The following RAPGEF5 variants were observed in gnomAD, a reference collection of about 807,000 sequenced individuals.
RAPGEF5 encodes Rap guanine nucleotide exchange factor 5.
A neutral mutation model predicts 125.2 loss-of-function variants in RAPGEF5; 65 were observed. The observed-to-expected ratio is 0.52, with a 90% CI of 0.43 to 0.64. The LOEUF (loss-of-function observed/expected upper bound fraction) is 0.64. Ranked by LOEUF, RAPGEF5 falls within the 30% of genes least tolerant of loss-of-function variation. RAPGEF5 has a pLI of 0.00. For missense variants in RAPGEF5, 958 were observed against 1,048.1 expected (o/e 0.91, Z 1.19); for synonymous variants, 391 against 385.9 (o/e 1.01, Z -0.16).
intron 11 of RAPGEF5, among the ~76,000 whole-genome samples, chr7:22,171,669 T>C (rs1234149619): frequency 6.6e-6 from 1 of 152,202 alleles, no homozygotes; most frequent in East Asian, 1.9e-4. Context: ...CGGCTAATTT[T>C]TGTATTTTTA....
chr7:22,118,954 A>G lies in RAPGEF5; in HGVS notation c.*3452T>C, dbSNP rs1318714201. ...CCCACTCGCTAAGAAGCAGGCTGAAATTTTAAGGACATGTTTTTGAAACAT... is the reference window on the plus strand; with the variant it reads ...CCCACTCGCTAAGAAGCAGGCTGAAGTTTTAAGGACATGTTTTTGAAACAT... On this transcript the variant is annotated 3_prime_UTR_variant, in exon 26 of 26. Transcript: ENST00000665637. 3 of 146,356 alleles carry G rather than the reference A, an allele frequency of 2.0e-5. No individual in the cohort carries two copies. The highest frequency in any genetic ancestry group is 4.5e-5 in the Non-Finnish European group (3 of 66,836). 9.1% of individuals were successfully genotyped at this position (146,356 alleles called of 1,614,324 possible).
Position 22,199,530 on chromosome 7 carries a change from TGA to T in RAPGEF5, c.997-5499_997-5498del, listed in dbSNP as rs1491471978. On this transcript the variant is annotated intron_variant, in intron 9 of 25. Coordinates refer to ENST00000665637, the MANE Select transcript of RAPGEF5 (RefSeq NM_012294.5). The stretch of plus-strand genomic sequence containing the variant: ...TGTTATGTAAGTTTTACCTTAAAAT[TGA>T]AAAAAAAAAAAAAAAAAAAAAAAAA... 7.9e-4 allele frequency among the ~76,000 whole-genome samples: 17 copies of T among 21,580 alleles called. No homozygotes were observed. The South Asian group carries it at 0.018, about 23-fold the overall frequency. The allele number at this position is 21,580 out of a possible 152,430, so 14.2% of individuals were successfully genotyped here.
At chr7:22,327,556 C>T (rs1231005196) in intron 1 of RAPGEF5, among the ~76,000 whole-genome samples, 1 of 152,222 alleles carries the variant, frequency 6.6e-6, no homozygotes, top group Non-Finnish European at 1.5e-5. Flanking sequence ...ACTGCATCCT[C>T]TCCTCCCGGG....
intron 1 of RAPGEF5, chr7:22,356,346 C>T: frequency 1.2e-6 from 1 of 801,330 alleles, no homozygotes. Flanking sequence ...CTGGGTCTGC[C>T]CCTCGGCGGT....
At chr7:22,259,714 T>A (rs572686499) in intron 7 of RAPGEF5, among the ~76,000 whole-genome samples, 1 of 152,316 alleles carries the variant, frequency 6.6e-6, no homozygotes, top group South Asian at 2.1e-4. Flanking sequence ...TATTACTAAG[T>A]GAAAGAAGCC....
chr7:22,288,489 T>G (rs1782849838), intron 6 of RAPGEF5, among the ~76,000 whole-genome samples: 1 of 151,122 alleles, frequency 6.6e-6, no homozygotes, highest in East Asian at 1.9e-4. Context: ...CTTTACCCAC[T>G]CATACTGATT....
At chr7:22,248,090 A>G (rs548366097) in intron 7 of RAPGEF5, among the ~76,000 whole-genome samples, 1 of 152,174 alleles carries the variant, frequency 6.6e-6, no homozygotes, top group African/African-American at 2.4e-5. Context: ...CTAGGTAAAA[A>G]ACCTGCACGT....
rs375545015 is a variant in RAPGEF5 at position 22,295,987 on chromosome 7, T to C, written c.681-4746A>G. Among the ~76,000 whole-genome samples, 8 of 151,906 alleles carry C rather than the reference T, an allele frequency of 5.3e-5. No homozygotes were observed. In the East Asian group the frequency reaches 1.6e-3, roughly 29 times the overall value. ...CATGTTGCTAATAAACATCAGGTAG[T>C]AAGAAAAAACCAGGCAGGGTAAGGA... On this transcript the variant is annotated intron_variant, in intron 5 of 25. Coordinates refer to ENST00000665637, the MANE Select transcript of RAPGEF5 (RefSeq NM_012294.5).
At chr7:22,226,015 C>T (rs753453573) in intron 8 of RAPGEF5, among the ~76,000 whole-genome samples, 13 of 152,144 alleles carry the variant, frequency 8.5e-5, no homozygotes, top group Non-Finnish European at 1.5e-4. Flanking sequence ...GTGGGAAAGG[C>T]CACATGGATG....
At chr7:22,194,875 C>T (rs534141331) in intron 9 of RAPGEF5, 23 of 516,944 alleles carry the variant, frequency 4.4e-5, no homozygotes, top group Non-Finnish European at 5.5e-5. Context: ...TGGCCTCCAA[C>T]TCGGAGCCAT....
At chr7:22,141,808 G>T (rs771079840) in intron 20 of RAPGEF5, among the ~76,000 whole-genome samples, 1 of 152,146 alleles carries the variant, frequency 6.6e-6, no homozygotes, top group Non-Finnish European at 1.5e-5. Flanking sequence ...TCATCCAAGT[G>T]ACCCCTTACG....
At position 22,127,943 on chromosome 7, in the gene RAPGEF5, C is replaced by T. The variant is rs1378945181; in HGVS notation, c.2482-2285G>A. Among the ~76,000 whole-genome samples, 7 of 152,196 alleles carry T rather than the reference C, an allele frequency of 4.6e-5. No homozygotes were observed. In the East Asian group the frequency reaches 1.3e-3, roughly 29 times the overall value. On this transcript the variant is annotated intron_variant, in intron 24 of 25. Transcript: ENST00000665637. ...GTGATTATTGCAGTAGCTCAAGCTGCATTTGTAAAGGAAATGAGACCTGAC... is the reference window on the plus strand; with the variant it reads ...GTGATTATTGCAGTAGCTCAAGCTGTATTTGTAAAGGAAATGAGACCTGAC...
Position 22,121,610 on chromosome 7 carries a change from A to G in RAPGEF5, c.*796T>C, listed in dbSNP as rs1392740386. On this transcript the variant is annotated 3_prime_UTR_variant, in exon 26 of 26. Coordinates refer to ENST00000665637, the MANE Select transcript of RAPGEF5 (RefSeq NM_012294.5). ...AAAATCATATTATGTCCAATAAAAG[A>G]TAAGAGCCTGCTTAGAAGTATAAAG... 1 of 152,232 alleles carries G rather than the reference A, an allele frequency of 6.6e-6. No homozygotes were observed. Among genetic ancestry groups the G allele is most frequent in the Non-Finnish European group, 1.5e-5 (1 of 68,022 alleles). 9.4% of individuals were successfully genotyped at this position (152,232 alleles called of 1,614,324 possible). A position where few individuals can be genotyped will look rare whatever the true frequency, so the allele number is the denominator to read the frequency against.
At chr7:22,173,265 T>C (rs943456507) in intron 11 of RAPGEF5, among the ~76,000 whole-genome samples, 9 of 152,218 alleles carry the variant, frequency 5.9e-5, no homozygotes, top group African/African-American at 2.2e-4. Flanking sequence ...TAGATTAAAG[T>C]GCTATGCCAT....
At chr7:22,354,023 T>C (rs763180657) in intron 1 of RAPGEF5, among the ~76,000 whole-genome samples, 1 of 151,900 alleles carries the variant, frequency 6.6e-6, no homozygotes, top group Non-Finnish European at 1.5e-5. Context: ...TGAGCTATGA[T>C]CACACCACTG....
intron 6 of RAPGEF5, among the ~76,000 whole-genome samples, chr7:22,268,006 A>G (rs767202816): frequency 6.6e-6 from 1 of 152,178 alleles, no homozygotes; most frequent in South Asian, 2.1e-4. Context: ...AGGCAAGTGT[A>G]GCAATATGCT....
At chr7:22,304,396 G>C (rs931760110) in intron 5 of RAPGEF5, among the ~76,000 whole-genome samples, 1 of 152,156 alleles carries the variant, frequency 6.6e-6, no homozygotes, top group Non-Finnish European at 1.5e-5. Flanking sequence ...CTCAACTCCA[G>C]AGCCTAAGAT....
At chr7:22,311,087 G>A (rs571444517) in intron 3 of RAPGEF5, among the ~76,000 whole-genome samples, 3 of 152,244 alleles carry the variant, frequency 2.0e-5, no homozygotes, top group East Asian at 3.9e-4. Flanking sequence ...GTGCTGTGGT[G>A]CAATCTCGGC....
intron 21 of RAPGEF5, among the ~76,000 whole-genome samples, chr7:22,138,297 G>T (rs1354713986): frequency 2.0e-5 from 3 of 152,080 alleles, no homozygotes; most frequent in Non-Finnish European, 4.4e-5. Context: ...TTGCTGCCAC[G>T]CCCCTTCATT....
Sources: gnomAD v4.1 joint callset for allele counts (sites outside exome capture counted in the v4.1 genomes callset) on GRCh38, gnomAD v4.1.1 for gene constraint, MANE v1.5 for transcripts, NCBI Gene and HGNC (gene_info 2026-07-23, HGNC 2026-07-21) for gene names.